The following TNFSF4 variants were observed in gnomAD, a reference collection of about 807,000 sequenced individuals.
TNFSF4 encodes TNF superfamily member 4, also known as tumor necrosis factor ligand superfamily member 4.
TNFSF4 carries 4 observed loss-of-function variants against 7.3 expected under a neutral mutation model. The observed-to-expected ratio is 0.55, with a 90% CI of 0.27 to 1.25. The LOEUF (loss-of-function observed/expected upper bound fraction) is 1.25. Among genes scored for constraint, TNFSF4 ranks in the 50% most tolerant of loss-of-function variants. The pLI is 0.12. For missense variants in TNFSF4, 181 were observed against 208.8 expected (o/e 0.87, Z 0.82); for synonymous variants, 76 against 83.7 (o/e 0.91, Z 0.50).
At chr1:173,323,100 C>A in the TNFSF4 span, among the ~76,000 whole-genome samples, 1 of 152,190 alleles carries the variant, frequency 6.6e-6, no homozygotes, top group East Asian at 1.9e-4. Context: ...CAAGTGGGTC[C>A]CTGACCCCCG....
chr1:173,231,653 G>T, the TNFSF4 span, among the ~76,000 whole-genome samples: 3 of 152,138 alleles, frequency 2.0e-5, no homozygotes, highest in African/African-American at 7.2e-5. Context: ...ATATTTATTA[G>T]GAAAAGAGGA....
At chr1:173,286,548 T>C in the TNFSF4 span, among the ~76,000 whole-genome samples, 1 of 152,230 alleles carries the variant, frequency 6.6e-6, no homozygotes, top group Admixed American at 6.5e-5. Flanking sequence ...TATCCATTTT[T>C]GAAATTAACT....
Position 173,207,005 on chromosome 1 carries a change from GC to G in TNFSF4, c.153+18del, listed in dbSNP as rs1557887820. On this transcript the variant is annotated intron_variant, in intron 1 of 2. Coordinates refer to ENST00000281834, the MANE Select transcript of TNFSF4 (RefSeq NM_003326.5). The stretch of plus-strand genomic sequence containing the variant: ...CAGCATGAGCTGGTGGGAAAACAGC[GC>G]CCAGTGGTGCATCTTACCTGAAGAG... 1.3e-6 allele frequency: 2 copies of G among 1,584,736 alleles called. No homozygotes were observed. Among genetic ancestry groups the G allele is most frequent in the Middle Eastern group, 1.9e-4 (1 of 5,306 alleles).
upstream of TNFSF4, among the ~76,000 whole-genome samples, chr1:173,210,726 A>AG (rs78860346): frequency 0.071 from 10,763 of 151,364 alleles, 469 homozygotes; most frequent in East Asian, 0.14. Flanking sequence ...AAATAATTCT[A>AG]GGGGGGGGAA....
chr1:173,299,215 C>A, the TNFSF4 span, among the ~76,000 whole-genome samples: 2 of 151,890 alleles, frequency 1.3e-5, no homozygotes, highest in Non-Finnish European at 1.5e-5. Context: ...ACTCCTTTTC[C>A]CCACTGCTTT....
In TNFSF4 at chr1:173,185,985, T is replaced by C. The variant is rs1394560843; in HGVS notation, c.*531A>G. The C allele has an allele frequency of 6.6e-6, 1 of 152,360 alleles. No homozygotes were observed. The highest frequency in any genetic ancestry group is 2.4e-5 in the African/African-American group (1 of 41,436). The allele number at this position is 152,360 out of a possible 1,614,324, so 9.4% of individuals were successfully genotyped here. ...CCCACCAAATGAGAAAGTTTAAATT[T>C]AGGCAATATGCAAACTGCAATCAAT... On this transcript the variant is annotated 3_prime_UTR_variant, in exon 3 of 3. Transcript: ENST00000281834.
the TNFSF4 span, chr1:173,362,891 C>T: frequency 2.1e-6 from 1 of 477,866 alleles, no homozygotes; most frequent in Non-Finnish European, 4.2e-6. Flanking sequence ...CTACAAATGG[C>T]ACATCACCCA....
At chr1:173,237,468 T>C in the TNFSF4 span, among the ~76,000 whole-genome samples, 1 of 152,154 alleles carries the variant, frequency 6.6e-6, no homozygotes, top group Non-Finnish European at 1.5e-5. Flanking sequence ...AGTCAAACTA[T>C]CCATGCTTGC....
the TNFSF4 span, among the ~76,000 whole-genome samples, chr1:173,427,777 T>C: frequency 6.6e-6 from 1 of 152,248 alleles, no homozygotes; most frequent in Non-Finnish European, 1.5e-5. Context: ...TGGTACAGCC[T>C]ATTGCTCCCA....
At chr1:173,359,510 TAAAAA>T in the TNFSF4 span, among the ~76,000 whole-genome samples, 128 of 122,680 alleles carry the variant, frequency 1.0e-3, no homozygotes, top group East Asian at 3.6e-3. Context: ...TTACCAGCTG[TAAAAA>T]AAAAAAAAAA....
At chr1:173,342,986 G>T in the TNFSF4 span, among the ~76,000 whole-genome samples, 2,810 of 152,296 alleles carry the variant, frequency 0.018, 94 homozygotes, top group African/African-American at 0.065. Flanking sequence ...GGAAGAAGGT[G>T]ACACAATGCT....
At chr1:173,277,728 A>C in the TNFSF4 span, among the ~76,000 whole-genome samples, 1 of 152,254 alleles carries the variant, frequency 6.6e-6, no homozygotes, top group Non-Finnish European at 1.5e-5. Flanking sequence ...TATCAGGCAC[A>C]TTGGGTGCTA....
At chr1:173,250,610 C>T in the TNFSF4 span, among the ~76,000 whole-genome samples, 2 of 152,098 alleles carry the variant, frequency 1.3e-5, no homozygotes, top group Admixed American at 6.5e-5. Flanking sequence ...CAGGCGACTG[C>T]CACCACGCCC....
At chr1:173,298,746 T>C in the TNFSF4 span, among the ~76,000 whole-genome samples, 1 of 151,698 alleles carries the variant, frequency 6.6e-6, no homozygotes, top group African/African-American at 2.4e-5. Context: ...TGTGGAAGAG[T>C]CAGCCAAAAT....
chr1:173,186,374 G>A lies in TNFSF4; in HGVS notation c.*142C>T. 1 of 624,166 alleles carries A rather than the reference G, an allele frequency of 1.6e-6. No individual in the cohort carries two copies. The highest frequency in any genetic ancestry group is 2.8e-6 in the Non-Finnish European group (1 of 361,074). 38.7% of individuals were successfully genotyped at this position (624,166 alleles called of 1,614,324 possible). ...TAAATATCCCTGAGGGGTGGGGGCG[G>A]GAGGGCCAGGATCTGCTTCTTGTCA... On this transcript the variant is annotated 3_prime_UTR_variant, in exon 3 of 3. Transcript: ENST00000281834.
chr1:173,437,595 TA>T, the TNFSF4 span, among the ~76,000 whole-genome samples: 2 of 152,192 alleles, frequency 1.3e-5, no homozygotes, highest in East Asian at 3.8e-4. Context: ...TGTACTCTTT[TA>T]GGTAAAAATC....
At chr1:173,264,317 C>CTTTT in the TNFSF4 span, among the ~76,000 whole-genome samples, 394 of 110,526 alleles carry the variant, frequency 3.6e-3, no homozygotes, top group African/African-American at 9.2e-3. Flanking sequence ...CTGGCTTCTT[C>CTTTT]TTTTTTTTTT....
At chr1:173,207,412 A>G (rs1483399373), upstream of TNFSF4, 1 of 389,690 alleles carries the variant, frequency 2.6e-6, no homozygotes, top group Non-Finnish European at 4.6e-6. Flanking sequence ...ACTAATCTGA[A>G]TTTCCCCTTT....
the TNFSF4 span, among the ~76,000 whole-genome samples, chr1:173,253,282 A>C: frequency 6.6e-6 from 1 of 152,210 alleles, no homozygotes; most frequent in African/African-American, 2.4e-5. Flanking sequence ...AGGGAGGTCA[A>C]AAGTAAGAAT....
Sources: allele counts gnomAD v4.1 joint callset (sites outside exome capture counted in the v4.1 genomes callset), GRCh38; gene constraint gnomAD v4.1.1; transcripts MANE v1.5; gene names NCBI Gene and HGNC (gene_info 2026-07-23, HGNC 2026-07-21).